Variants in HPCAL1 observed in about 807,000 individuals in gnomAD.
HPCAL1 encodes the protein hippocalcin like 1, also known as hippocalcin-like protein 1.
In HPCAL1, 8 loss-of-function variants were observed where a neutral mutation model predicts 17.1. That is an observed-to-expected ratio of 0.47 (90% confidence interval 0.27 to 0.84). The LOEUF (loss-of-function observed/expected upper bound fraction) is 0.84, where lower values mean the gene tolerates loss of function less well. Ranked by LOEUF, HPCAL1 falls within the 40% of genes least tolerant of loss-of-function variation. The pLI is 0.13. For synonymous variants in HPCAL1, 112 were observed against 111.4 expected (o/e 1.01, Z -0.03); for missense variants, 165 against 271.1 (o/e 0.61, Z 2.75).
intron 1 of HPCAL1, among the ~76,000 whole-genome samples, chr2:10,335,242 G>T (rs989304544): frequency 6.6e-6 from 1 of 152,194 alleles, no homozygotes; most frequent in Non-Finnish European, 1.5e-5. Flanking sequence ...CTGACATCAG[G>T]TTATAAAAAG....
rs1253869452 is a variant in HPCAL1, at chr2:10,344,949, C to T, written c.-111+41772C>T. On this transcript the variant is annotated intron_variant, in intron 1 of 4. Transcript: ENST00000307845. This position sits in a 1 kb window ranked among gnomAD's most constrained non-coding sequence, Gnocchi z 4.9. Reference sequence around the variant, plus strand: ...TCTGTGCCTTTCAGTCTCTTTCTGCCTCTCTCTATGTGTCCATCTCTCTCT... The same window carrying T: ...TCTGTGCCTTTCAGTCTCTTTCTGCTTCTCTCTATGTGTCCATCTCTCTCT... Among the ~76,000 whole-genome samples, 1 of 151,644 alleles carries T rather than the reference C, an allele frequency of 6.6e-6. No homozygotes were observed. Among genetic ancestry groups the T allele is most frequent in the Non-Finnish European group, 1.5e-5 (1 of 67,922 alleles).
intron 2 of HPCAL1, among the ~76,000 whole-genome samples, chr2:10,403,037 G>C (rs1669726739): frequency 6.6e-6 from 1 of 152,004 alleles, no homozygotes; most frequent in African/African-American, 2.4e-5. Flanking sequence ...TAGTTCCTTT[G>C]GGGCTCATGA....
chr2:10,362,238 C>T lies in HPCAL1; in HGVS notation c.-110-34597C>T, dbSNP rs919311110. ...TGGAGCATTTGCTGTGTGCCAGCCT[C>T]ATGGAGGCAAACGGAGCTTCGGAAC... On this transcript the variant is annotated intron_variant, in intron 1 of 4. Transcript: ENST00000307845. The surrounding 1 kb of genome is among the most constrained non-coding windows in gnomAD (Gnocchi z 5.0). 3.9e-5 allele frequency among the ~76,000 whole-genome samples: 6 copies of T among 151,968 alleles called. No individual in the cohort carries two copies. The highest frequency in any genetic ancestry group is 7.4e-5 in the Non-Finnish European group (5 of 68,020).
At chr2:10,321,584 C>T (rs923182011) in intron 1 of HPCAL1, among the ~76,000 whole-genome samples, 5 of 152,044 alleles carry the variant, frequency 3.3e-5, no homozygotes, top group Admixed American at 6.6e-5. Flanking sequence ...TTTTCATCAC[C>T]CCAGAAAAAA....
At chr2:10,379,603 T>C (rs1431977173) in intron 1 of HPCAL1, among the ~76,000 whole-genome samples, 2 of 152,154 alleles carry the variant, frequency 1.3e-5, no homozygotes, top group Non-Finnish European at 2.9e-5. Flanking sequence ...TGTCTCTCAA[T>C]AGGCTTTGCC....
At chr2:10,397,788 C>T (rs3771147) in intron 2 of HPCAL1, among the ~76,000 whole-genome samples, 33,787 of 152,166 alleles carry the variant, frequency 0.22, 4,067 homozygotes, top group Admixed American at 0.27. Context: ...GAGAGCCTGC[C>T]AGCCATGCTG....
chr2:10,345,743 C>T (rs1057384862), intron 1 of HPCAL1, among the ~76,000 whole-genome samples: 4 of 152,146 alleles, frequency 2.6e-5, no homozygotes, highest in Non-Finnish European at 5.9e-5. Context: ...AGGCATAAGC[C>T]ACTGCACCCA....
chr2:10,355,010 A>T (rs1040762180), intron 1 of HPCAL1, among the ~76,000 whole-genome samples: 3 of 152,222 alleles, frequency 2.0e-5, no homozygotes, highest in African/African-American at 7.2e-5. Context: ...CCAGGCAGGT[A>T]ACAGACTAGC....
intron 1 of HPCAL1, among the ~76,000 whole-genome samples, chr2:10,385,928 G>A (rs565346189): frequency 1.4e-4 from 21 of 152,218 alleles, no homozygotes; most frequent in Admixed American, 1.2e-3. Context: ...CCTCTCTGGG[G>A]GCTTTTCTTC....
intron 1 of HPCAL1, among the ~76,000 whole-genome samples, chr2:10,325,611 G>A (rs1234986924): frequency 1.3e-5 from 2 of 152,166 alleles, no homozygotes; most frequent in Non-Finnish European, 2.9e-5. Context: ...CCTGGAGGGC[G>A]GTTTCCCTGC....
At chr2:10,390,429 A>C (rs1668618183) in intron 1 of HPCAL1, among the ~76,000 whole-genome samples, 1 of 152,194 alleles carries the variant, frequency 6.6e-6, no homozygotes. Context: ...CCCGGAGGCC[A>C]CAGTGGAATT....
At chr2:10,372,519 G>A (rs925906424) in intron 1 of HPCAL1, among the ~76,000 whole-genome samples, 3 of 152,120 alleles carry the variant, frequency 2.0e-5, no homozygotes, top group African/African-American at 7.2e-5. Context: ...GATCGGGGAG[G>A]CGGACAGGCG....
Position 10,343,725 on chromosome 2 carries a change from C to T in HPCAL1, c.-111+40548C>T, listed in dbSNP as rs777138834. Among the ~76,000 whole-genome samples, 39 of 152,324 alleles carry T rather than the reference C, an allele frequency of 2.6e-4. No homozygotes were observed. The highest frequency in any genetic ancestry group is 3.1e-4 in the Non-Finnish European group (21 of 68,034). On this transcript the variant is annotated intron_variant, in intron 1 of 4. Transcript: ENST00000307845. The surrounding 1 kb of genome is among the most constrained non-coding windows in gnomAD (Gnocchi z 4.8). ...AGAGCAGAAACAAAACTCATCCTTGCGAAGGGACTTTTAGATCAGTGGCAG... is the reference window on the plus strand; with the variant it reads ...AGAGCAGAAACAAAACTCATCCTTGTGAAGGGACTTTTAGATCAGTGGCAG...
Position 10,330,997 on chromosome 2 carries a change from C to G in HPCAL1, c.-111+27820C>G, listed in dbSNP as rs1664334093. Among the ~76,000 whole-genome samples, 1 of 152,142 alleles carries G rather than the reference C, an allele frequency of 6.6e-6. No homozygotes were observed. Among genetic ancestry groups the G allele is most frequent in the African/African-American group, 2.4e-5 (1 of 41,412 alleles). ...TGTTGCTTGTGCCTCCTTTGCAGCCCCGGCCTCTCCAGTTCTCTGTGTCTT... is the reference window on the plus strand; with the variant it reads ...TGTTGCTTGTGCCTCCTTTGCAGCCGCGGCCTCTCCAGTTCTCTGTGTCTT... On this transcript the variant is annotated intron_variant, in intron 1 of 4. Coordinates refer to ENST00000307845, the MANE Select transcript of HPCAL1 (RefSeq NM_002149.4). This position sits in a 1 kb window ranked among gnomAD's most constrained non-coding sequence, Gnocchi z 4.2.
intron 2 of HPCAL1, among the ~76,000 whole-genome samples, chr2:10,403,396 C>T (rs1283758542): frequency 6.6e-6 from 1 of 151,826 alleles, no homozygotes; most frequent in Non-Finnish European, 1.5e-5. Flanking sequence ...CCACTGTCAC[C>T]CAGGCCTCCA....
At chr2:10,383,089 C>A (rs1244444262) in intron 1 of HPCAL1, among the ~76,000 whole-genome samples, 2 of 152,210 alleles carry the variant, frequency 1.3e-5, no homozygotes, top group African/African-American at 4.8e-5. Context: ...AAAGGTGAAT[C>A]TGGCTGGGCG....
intron 1 of HPCAL1, among the ~76,000 whole-genome samples, chr2:10,383,386 C>T (rs868608847): frequency 1.3e-5 from 2 of 151,444 alleles, no homozygotes; most frequent in African/African-American, 2.4e-5. Context: ...TTTTTCAGAC[C>T]GCATCTTGCT....
At chr2:10,403,121 A>G (rs990161881) in intron 2 of HPCAL1, among the ~76,000 whole-genome samples, 1 of 152,198 alleles carries the variant, frequency 6.6e-6, no homozygotes, top group Admixed American at 6.5e-5. Context: ...CTAAGACAAG[A>G]GCTAGGCAGC....
intron 4 of HPCAL1, 34 bp from the exon 5 acceptor site, chr2:10,426,690 A>C: frequency 6.5e-7 from 1 of 1,534,130 alleles, no homozygotes; most frequent in South Asian, 1.1e-5. Context: ...AACAGTGAGC[A>C]CTGGCTAATC....
Sources: allele counts gnomAD v4.1 joint callset (sites outside exome capture counted in the v4.1 genomes callset), GRCh38; gene constraint gnomAD v4.1.1; non-coding constraint Gnocchi (gnomAD v3.1); transcripts MANE v1.5; gene names NCBI Gene and HGNC (gene_info 2026-07-23, HGNC 2026-07-21).